The following METAP2 variants were observed in gnomAD, a reference collection of about 807,000 sequenced individuals.
The protein encoded by METAP2 is methionyl aminopeptidase 2.
Under a neutral mutation model 59.4 loss-of-function variants are expected in METAP2, and 25 were observed. The ratio of observed to expected loss-of-function variants is 0.42; its 90% CI spans 0.31 to 0.59. METAP2 has a LOEUF of 0.59. Ranked by LOEUF, METAP2 falls within the 20% of genes least tolerant of loss-of-function variation. METAP2 has a pLI of 0.16. For missense variants in METAP2, 366 were observed against 581.2 expected, an observed-to-expected ratio of 0.63 and a Z score of 3.81; for synonymous variants, 214 against 194.1, an observed-to-expected ratio of 1.10 and a Z score of -0.85.
At chr12:95,484,071 A>G (rs1043971641) in intron 3 of METAP2, among the ~76,000 whole-genome samples, 2 of 152,108 alleles carry the variant, frequency 1.3e-5, no homozygotes, top group African/African-American at 4.8e-5. Context: ...TGAGGAAGAA[A>G]GGTTGGGTTG....
At chr12:95,475,556 A>G (rs1364034069) in intron 1 of METAP2, among the ~76,000 whole-genome samples, 1 of 152,214 alleles carries the variant, frequency 6.6e-6, no homozygotes, top group Non-Finnish European at 1.5e-5. Context: ...GTAGGTTATA[A>G]TCACTTCCAG....
intron 7 of METAP2, among the ~76,000 whole-genome samples, chr12:95,499,833 G>C (rs11522874): frequency 6.6e-6 from 1 of 152,118 alleles, no homozygotes; most frequent in African/African-American, 2.4e-5. Context: ...AAGGCAAAGG[G>C]AAAGCAAAGA....
At chr12:95,505,488 C>T (rs1339961946) in intron 8 of METAP2, among the ~76,000 whole-genome samples, 1 of 151,666 alleles carries the variant, frequency 6.6e-6, no homozygotes, top group East Asian at 2.0e-4. Context: ...CCACGCCCGG[C>T]CAAATTTTTT....
rs1213447845 is a variant in METAP2, at chr12:95,513,794, C to A, written c.1327C>A (p.Pro443Thr). The change falls in exon 11 of 11, where the codon CCA becomes ACA. Residue 443 changes from proline (P) to threonine (T), a missense_variant. This residue lies in a region of METAP2 where 82 missense variants were observed against 156.2 expected (regional missense o/e 0.52). Transcript: ENST00000323666. ...TCTGTGTGACTTGGGCATTGTAGAT[C>A]CATATCCACCATTATGTGACATTAA... The part of the protein sequence containing the change: ...KNLCDLGIVD[P>T]YPPLCDIKGS... 6.2e-7 allele frequency: 1 copy of A among 1,614,204 alleles called. No homozygotes were observed.
intron 7 of METAP2, among the ~76,000 whole-genome samples, chr12:95,502,147 C>T (rs928105137): frequency 2.0e-5 from 3 of 151,920 alleles, no homozygotes; most frequent in Non-Finnish European, 1.5e-5. Context: ...GGACTATAGG[C>T]GTGTGCCACA....
intron 7 of METAP2, among the ~76,000 whole-genome samples, chr12:95,496,640 A>T (rs1056631868): frequency 6.6e-6 from 1 of 152,056 alleles, no homozygotes; most frequent in Non-Finnish European, 1.5e-5. Flanking sequence ...CCATTATAGT[A>T]TCATACAGAG....
At chr12:95,505,710 G>T (rs2076353659) in intron 8 of METAP2, among the ~76,000 whole-genome samples, 1 of 151,826 alleles carries the variant, frequency 6.6e-6, no homozygotes, top group African/African-American at 2.4e-5. Flanking sequence ...GGCCAGGCTG[G>T]TCTCGAACTC....
At position 95,514,778 on chromosome 12, in the gene METAP2, A is replaced by G. The variant is rs2076433746; in HGVS notation, c.*874A>G. The G allele has an allele frequency of 6.6e-6, 1 of 152,202 alleles. No individual in the cohort carries two copies. The highest frequency in any genetic ancestry group is 6.5e-5 in the Admixed American group (1 of 15,278). 9.4% of individuals were successfully genotyped at this position (152,202 alleles called of 1,614,324 possible). Reference sequence around the variant, plus strand: ...CCACAAAAGCAAAGAAGAAAAAAAAAAACTTCCCATGTTTGGATCTTGTTC... The same window carrying G: ...CCACAAAAGCAAAGAAGAAAAAAAAGAACTTCCCATGTTTGGATCTTGTTC... On this transcript the variant is annotated 3_prime_UTR_variant, in exon 11 of 11. Transcript: ENST00000323666.
At chr12:95,475,008 A>G in intron 1 of METAP2, among the ~76,000 whole-genome samples, 1 of 152,172 alleles carries the variant, frequency 6.6e-6, no homozygotes, top group East Asian at 1.9e-4. Flanking sequence ...CAGATAGGAT[A>G]TTCTGTGGCT....
intron 8 of METAP2, among the ~76,000 whole-genome samples, chr12:95,511,392 T>G (rs1318823294): frequency 7.3e-6 from 1 of 136,440 alleles, no homozygotes; most frequent in Non-Finnish European, 1.6e-5. Flanking sequence ...TAGCACCGTT[T>G]TTTTTTTTTT....
intron 7 of METAP2, among the ~76,000 whole-genome samples, chr12:95,499,035 AT>A (rs1422552609): frequency 6.6e-6 from 1 of 151,262 alleles, no homozygotes; most frequent in East Asian, 1.9e-4. Flanking sequence ...AAAAGAAATC[AT>A]TTGTTTTTGT....
intron 10 of METAP2, among the ~76,000 whole-genome samples, chr12:95,513,273 AACATTTGAAGATGATTGAAATCTGCATTT>A (rs1426142566): frequency 1.3e-5 from 2 of 152,204 alleles, no homozygotes; most frequent in Non-Finnish European, 2.9e-5. Context: ...GAAATTTTTT[AACATTTGAAGATGATTGAAATCTGCATTT>A]ACATCTTTTA....
intron 8 of METAP2, among the ~76,000 whole-genome samples, chr12:95,506,303 T>C (rs2140162624): frequency 6.8e-6 from 1 of 146,412 alleles, no homozygotes; most frequent in Admixed American, 6.7e-5. Context: ...ATGCTTTTTT[T>C]TTTTTTTTTT....
Position 95,474,268 on chromosome 12 carries a change from C to CCTT in METAP2, c.89_90insCTT (p.Thr30_Ala31insLeu). On this transcript the variant is annotated inframe_insertion, in exon 1 of 11. Transcript: ENST00000323666. ...GACAGGGAAGAAGGAGCTGCCTCTA[C>CCTT]GGCTGAGGAAGCAGCCAAGAAAAAA... 6.2e-7 allele frequency: 1 copy of CCTT among 1,614,194 alleles called. No homozygotes were observed. The highest frequency in any genetic ancestry group is 8.5e-7 in the Non-Finnish European group (1 of 1,180,018).
chr12:95,477,551 C>T (rs1398254768), intron 2 of METAP2, among the ~76,000 whole-genome samples: 3 of 152,180 alleles, frequency 2.0e-5, no homozygotes, highest in South Asian at 2.1e-4. Context: ...TTGATGTTAT[C>T]AGTAAAACAG....
At chr12:95,475,828 C>CTTT (rs77402056) in intron 1 of METAP2, among the ~76,000 whole-genome samples, 29,612 of 152,000 alleles carry the variant, frequency 0.19, 3,248 homozygotes, top group African/African-American at 0.29. Context: ...CCAGTTCACG[C>CTTT]TGTTTATCTT....
Position 95,483,255 on chromosome 12 carries a change from GAAA to G in METAP2, c.303_305del (p.Lys106del), listed in dbSNP as rs775678982. 13 of 1,612,246 alleles carry G rather than the reference GAAA, an allele frequency of 8.1e-6. No individual in the cohort carries two copies. Among genetic ancestry groups the G allele is most frequent in the African/African-American group, 5.3e-5 (4 of 74,872 alleles). On this transcript the variant is annotated inframe_deletion, in exon 3 of 11. Coordinates refer to ENST00000323666, the MANE Select transcript of METAP2 (RefSeq NM_006838.4). ...GAGATGGAGCAACTGGAAAGAAGAA[GAAA>G]AAGAAGAAGAAGAAGAGAGGACGTT...
chr12:95,474,576 C>T (rs949242641), intron 1 of METAP2, among the ~76,000 whole-genome samples: 1 of 152,142 alleles, frequency 6.6e-6, no homozygotes, highest in Non-Finnish European at 1.5e-5. Context: ...CCTCTGGGGT[C>T]GCTGGGCCCG....
In METAP2 at chr12:95,482,113, TTTG is replaced by T. The variant is rs778108345; in HGVS notation, c.260-1093_260-1091del. The T allele has an allele frequency of 1.0e-4, 45 of 449,426 alleles. 1 individual carries two copies. The highest frequency in any genetic ancestry group is 6.5e-4 in the South Asian group (41 of 63,010). The allele number at this position is 449,426 out of a possible 1,614,324, so 27.8% of individuals were successfully genotyped here. On this transcript the variant is annotated intron_variant, in intron 2 of 10. Coordinates refer to ENST00000323666, the MANE Select transcript of METAP2 (RefSeq NM_006838.4). ...AAGTCAGCAATATTTGTGTTTTGGG[TTTG>T]TTGTTGTTAGGATACAAGATCTCCC...
Sources: gnomAD v4.1 joint callset for allele counts (sites outside exome capture counted in the v4.1 genomes callset) on GRCh38, gnomAD v4.1.1 for gene constraint, gnomAD v4.1.1 regional missense constraint, MANE v1.5 for transcripts, NCBI Gene and HGNC (gene_info 2026-07-23, HGNC 2026-07-21) for gene names.